TEAD1: variants seen among roughly 807,000 people sequenced by gnomAD.
The protein encoded by TEAD1 is transcriptional enhancer factor TEF-1.
A neutral mutation model predicts 54.9 loss-of-function variants in TEAD1; 9 were observed. The observed-to-expected ratio is 0.16, with a 90% CI of 0.10 to 0.29. The LOEUF (loss-of-function observed/expected upper bound fraction) is 0.29. Among genes scored for constraint, TEAD1 ranks in the 10% least tolerant of loss-of-function variants. The pLI is 1.00. For synonymous variants in TEAD1, 200 were observed against 187.8 expected (o/e 1.07, Z -0.53); for missense variants, 387 against 535.9 (o/e 0.72, Z 2.74).
intron 2 of TEAD1, among the ~76,000 whole-genome samples, chr11:12,730,471 T>C (rs993360807): frequency 3.1e-4 from 44 of 140,954 alleles, no homozygotes; most frequent in African/African-American, 1.0e-3. Flanking sequence ...GGCTCCAGTT[T>C]GGTGAGAGAA....
intron 3 of TEAD1, among the ~76,000 whole-genome samples, chr11:12,796,195 C>T (rs959941086): frequency 1.3e-5 from 2 of 152,104 alleles, no homozygotes; most frequent in Non-Finnish European, 2.9e-5. Context: ...CTTACAGATA[C>T]TAAGTGTTGG....
chr11:12,690,241 CAA>C (rs1173617315), intron 2 of TEAD1, among the ~76,000 whole-genome samples: 16 of 81,678 alleles, frequency 2.0e-4, no homozygotes, highest in East Asian at 3.4e-4. Flanking sequence ...GACTCCGTCT[CAA>C]AAAAAAAAAA....
chr11:12,877,536 G>A (rs1398420471), intron 5 of TEAD1, among the ~76,000 whole-genome samples: 2 of 152,128 alleles, frequency 1.3e-5, no homozygotes, highest in Non-Finnish European at 2.9e-5. Context: ...GCATATGCCT[G>A]TAATCCCAGC....
intron 2 of TEAD1, among the ~76,000 whole-genome samples, chr11:12,749,399 C>A (rs916648875): frequency 2.6e-5 from 4 of 152,130 alleles, no homozygotes; most frequent in African/African-American, 9.7e-5. Context: ...AATATATTCC[C>A]CCTGCCTGAC....
chr11:12,810,278 C>T (rs935629959), intron 3 of TEAD1, among the ~76,000 whole-genome samples: 2 of 152,150 alleles, frequency 1.3e-5, no homozygotes, highest in Non-Finnish European at 2.9e-5. Flanking sequence ...TGCGCCCTTC[C>T]TCTTTCCCCA....
intron 2 of TEAD1, among the ~76,000 whole-genome samples, chr11:12,730,508 G>A (rs1944401331): frequency 7.5e-6 from 1 of 133,496 alleles, no homozygotes; most frequent in African/African-American, 2.8e-5. Flanking sequence ...TTAAAAACTT[G>A]ATTGAGAATT....
At chr11:12,874,439 G>C (rs1465396890) in intron 5 of TEAD1, among the ~76,000 whole-genome samples, 1 of 152,156 alleles carries the variant, frequency 6.6e-6, no homozygotes, top group Non-Finnish European at 1.5e-5. Context: ...TCCAAACATT[G>C]TGTCCATTTC....
intron 2 of TEAD1, among the ~76,000 whole-genome samples, chr11:12,742,295 T>C (rs1416335165): frequency 6.6e-6 from 1 of 152,248 alleles, no homozygotes; most frequent in African/African-American, 2.4e-5. Flanking sequence ...TTTATTTATC[T>C]GAATAACAGA....
At chr11:12,869,451 C>T (rs1947693921) in intron 5 of TEAD1, among the ~76,000 whole-genome samples, 2 of 152,152 alleles carry the variant, frequency 1.3e-5, no homozygotes, top group African/African-American at 2.4e-5. Context: ...TAAGTTCTGT[C>T]CTTATGAAGT....
At chr11:12,685,244 T>C (rs1306549946) in intron 2 of TEAD1, among the ~76,000 whole-genome samples, 1 of 152,136 alleles carries the variant, frequency 6.6e-6, no homozygotes, top group Non-Finnish European at 1.5e-5. Flanking sequence ...AAAATTAAAA[T>C]GAAGACTTAT....
At chr11:12,770,077 T>G (rs1213113349) in intron 3 of TEAD1, among the ~76,000 whole-genome samples, 1 of 152,200 alleles carries the variant, frequency 6.6e-6, no homozygotes, top group African/African-American at 2.4e-5. Flanking sequence ...GTTGAAGAGA[T>G]AGAAAAGATT....
intron 3 of TEAD1, among the ~76,000 whole-genome samples, chr11:12,812,882 T>C (rs973858098): frequency 3.9e-5 from 6 of 152,178 alleles, no homozygotes; most frequent in Admixed American, 3.9e-4. Context: ...AAGAATTCAA[T>C]AGAACAATAC....
In TEAD1 at chr11:12,706,422, T is replaced by A. The variant is rs375907608; in HGVS notation, c.-55+30861T>A. 5.9e-5 allele frequency among the ~76,000 whole-genome samples: 9 copies of A among 152,364 alleles called. No individual in the cohort carries two copies. In the East Asian group the frequency reaches 9.6e-4, roughly 16 times the overall value. On this transcript the variant is annotated intron_variant, in intron 2 of 12. Coordinates refer to ENST00000527636, the MANE Select transcript of TEAD1 (RefSeq NM_021961.6). ...ACTACTTATCTGTGAATCAGAATTT[T>A]TTGAATATTGTGTATGCAGAATGAA...
intron 9 of TEAD1, among the ~76,000 whole-genome samples, chr11:12,885,538 T>C (rs2134104069): frequency 1.3e-5 from 2 of 152,166 alleles, no homozygotes; most frequent in South Asian, 2.1e-4. Flanking sequence ...CACCCGGGCT[T>C]GAATTGTCTT....
Position 12,801,517 on chromosome 11 carries a change from A to G in TEAD1, c.202+37083A>G, listed in dbSNP as rs576842857. 2.0e-4 allele frequency among the ~76,000 whole-genome samples: 30 copies of G among 152,344 alleles called. No homozygotes were observed. In the Middle Eastern group the frequency reaches 0.01, roughly 52 times the overall value. On this transcript the variant is annotated intron_variant, in intron 3 of 12. Coordinates refer to ENST00000527636, the MANE Select transcript of TEAD1 (RefSeq NM_021961.6). ...TGTAGGGAACACTTTAATTCACTGA[A>G]TAATGTCAGTAACTCTGTGAAATAG...
At chr11:12,809,301 C>T (rs1017436241) in intron 3 of TEAD1, among the ~76,000 whole-genome samples, 4 of 152,170 alleles carry the variant, frequency 2.6e-5, no homozygotes, top group African/African-American at 7.2e-5. Context: ...CTGACTATCA[C>T]CTTTACACAG....
At chr11:12,751,627 G>A (rs1335933573) in intron 2 of TEAD1, among the ~76,000 whole-genome samples, 1 of 152,202 alleles carries the variant, frequency 6.6e-6, no homozygotes, top group Non-Finnish European at 1.5e-5. Flanking sequence ...GGTGGGAGGG[G>A]CTCTCAGTAA....
At chr11:12,796,647 C>T (rs1945932013) in intron 3 of TEAD1, among the ~76,000 whole-genome samples, 1 of 151,810 alleles carries the variant, frequency 6.6e-6, no homozygotes, top group South Asian at 2.1e-4. Context: ...ATCACCTGAG[C>T]CCAAGGAGGT....
At chr11:12,760,602 T>A (rs1945080599) in intron 2 of TEAD1, among the ~76,000 whole-genome samples, 2 of 152,226 alleles carry the variant, frequency 1.3e-5, no homozygotes, top group Non-Finnish European at 2.9e-5. Context: ...GTACAGACAT[T>A]GTGTGCATAA....
Sources: gnomAD v4.1 joint callset for allele counts (sites outside exome capture counted in the v4.1 genomes callset) on GRCh38, gnomAD v4.1.1 for gene constraint, MANE v1.5 for transcripts, NCBI Gene and HGNC (gene_info 2026-07-23, HGNC 2026-07-21) for gene names.